CHRM3: variants seen among roughly 807,000 people sequenced by gnomAD.
CHRM3 encodes cholinergic receptor muscarinic 3.
CHRM3 carries 11 observed loss-of-function variants against 41.8 expected under a neutral mutation model. That is an observed-to-expected ratio of 0.26 (90% CI 0.17 to 0.44). CHRM3 has a LOEUF of 0.44. CHRM3 is among the 20% of genes least tolerant of loss of function. CHRM3 has a pLI of 1.00. For missense variants in CHRM3, 571 were observed against 745.4 expected (o/e 0.77, Z 2.72); for synonymous variants, 297 against 301.4 (o/e 0.99, Z 0.15).
At chr1:239,709,150 A>G (rs1031583181) in intron 5 of CHRM3, among the ~76,000 whole-genome samples, 6 of 152,178 alleles carry the variant, frequency 3.9e-5, no homozygotes, top group African/African-American at 9.7e-5. Context: ...TTCTGCAACT[A>G]TGTTCACTAT....
chr1:239,641,749 C>A (rs57286108), intron 4 of CHRM3, among the ~76,000 whole-genome samples: 15,998 of 100,642 alleles, frequency 0.16, 1,711 homozygotes, highest in Middle Eastern at 0.21. Flanking sequence ...TTAATTGGAG[C>A]ATTTAGTCCA....
chr1:239,435,847 AT>A, intron 1 of CHRM3, among the ~76,000 whole-genome samples: 1 of 152,230 alleles, frequency 6.6e-6, no homozygotes, highest in East Asian at 1.9e-4. Flanking sequence ...ATATTTATCT[AT>A]AAGGCAATGT....
At chr1:239,827,864 A>G (rs573670886) in intron 6 of CHRM3, among the ~76,000 whole-genome samples, 1 of 152,370 alleles carries the variant, frequency 6.6e-6, no homozygotes, top group African/African-American at 2.4e-5. Flanking sequence ...ACAGTGTCTA[A>G]GTGTGAAAAA....
At chr1:239,469,083 C>G (rs578131354) in intron 1 of CHRM3, among the ~76,000 whole-genome samples, 4 of 152,084 alleles carry the variant, frequency 2.6e-5, no homozygotes, top group Admixed American at 6.5e-5. Flanking sequence ...TCAAAATGCC[C>G]GAGTTCTAGT....
chr1:239,450,445 T>C lies in CHRM3; in HGVS notation c.-520-42264T>C, dbSNP rs567716358. ...TATTCTCTTTTAACATTAAATCATG[T>C]CCATTTGTTCATATCTTTATTCTTA... On this transcript the variant is annotated intron_variant, in intron 1 of 6. Coordinates refer to ENST00000676153, the MANE Select transcript of CHRM3 (RefSeq NM_001375978.1). Among the ~76,000 whole-genome samples the C allele has an allele frequency of 8.5e-5, 13 of 152,318 alleles. No homozygotes were observed. The East Asian group carries it at 2.5e-3, about 29-fold the overall frequency.
At chr1:239,683,234 A>G (rs1018188179) in intron 5 of CHRM3, among the ~76,000 whole-genome samples, 1 of 152,280 alleles carries the variant, frequency 6.6e-6, no homozygotes, top group Admixed American at 6.5e-5. Flanking sequence ...GTAAATGAAT[A>G]ATTCACATCC....
chr1:239,766,631 CATAAAT>C (rs1282403136), intron 5 of CHRM3, among the ~76,000 whole-genome samples: 14 of 150,986 alleles, frequency 9.3e-5, no homozygotes, highest in African/African-American at 3.4e-4. Context: ...TATAGATAGA[CATAAAT>C]ATAGATAGAT....
intron 5 of CHRM3, among the ~76,000 whole-genome samples, chr1:239,742,256 C>T (rs1664924056): frequency 6.6e-6 from 1 of 150,652 alleles, no homozygotes; most frequent in Admixed American, 6.7e-5. Flanking sequence ...AAACAAACCA[C>T]ACCAAAATGT....
At chr1:239,483,606 A>G (rs1334067015) in intron 1 of CHRM3, among the ~76,000 whole-genome samples, 1 of 151,974 alleles carries the variant, frequency 6.6e-6, no homozygotes, top group Non-Finnish European at 1.5e-5. Flanking sequence ...TTTCTTTTTT[A>G]ATGAGGAAGT....
intron 1 of CHRM3, among the ~76,000 whole-genome samples, chr1:239,433,161 T>A (rs1440766246): frequency 6.6e-6 from 1 of 152,182 alleles, no homozygotes; most frequent in African/African-American, 2.4e-5. Flanking sequence ...AACCTACATA[T>A]TTTTAAAGAA....
In CHRM3 at chr1:239,777,527, A is replaced by T. The variant is rs879626949; in HGVS notation, c.-146-49725A>T. On this transcript the variant is annotated intron_variant, in intron 5 of 6. Coordinates refer to ENST00000676153, the MANE Select transcript of CHRM3 (RefSeq NM_001375978.1). Reference sequence around the variant, plus strand: ...AAACTTCAGGAAGATAAAATGTTAAATCTATCACATCTAGGTAAATAAACA... The same window carrying T: ...AAACTTCAGGAAGATAAAATGTTAATTCTATCACATCTAGGTAAATAAACA... 1.5e-4 allele frequency among the ~76,000 whole-genome samples: 23 copies of T among 152,344 alleles called. No individual in the cohort carries two copies. In the South Asian group the frequency reaches 3.3e-3, roughly 22 times the overall value.
chr1:239,513,704 A>G (rs1782357), intron 2 of CHRM3, among the ~76,000 whole-genome samples: 75,192 of 151,986 alleles, frequency 0.49, 18,946 homozygotes, highest in Middle Eastern at 0.63. Flanking sequence ...CAATTGCCAT[A>G]TCCAAGGTCA....
At chr1:239,659,414 T>C (rs1225114609) in intron 4 of CHRM3, among the ~76,000 whole-genome samples, 1 of 152,144 alleles carries the variant, frequency 6.6e-6, no homozygotes, top group African/African-American at 2.4e-5. Context: ...CTCCAGCCAC[T>C]GTCCCATTCC....
chr1:239,477,551 T>A (rs1306781176), intron 1 of CHRM3, among the ~76,000 whole-genome samples: 3 of 152,116 alleles, frequency 2.0e-5, no homozygotes, highest in African/African-American at 7.2e-5. Flanking sequence ...TAAGAAGAAA[T>A]GAGCCAACTT....
intron 2 of CHRM3, among the ~76,000 whole-genome samples, chr1:239,539,909 G>A (rs976928058): frequency 3.3e-5 from 5 of 152,146 alleles, no homozygotes; most frequent in African/African-American, 9.7e-5. Flanking sequence ...GAGCCACTGC[G>A]CTGGCCAAAT....
At chr1:239,802,440 T>C (rs1670294541) in intron 5 of CHRM3, among the ~76,000 whole-genome samples, 2 of 152,176 alleles carry the variant, frequency 1.3e-5, no homozygotes, top group African/African-American at 2.4e-5. Flanking sequence ...AAAACACCAC[T>C]ACCCCTGTGA....
At chr1:239,759,436 A>G (rs1364529490) in intron 5 of CHRM3, among the ~76,000 whole-genome samples, 1 of 152,016 alleles carries the variant, frequency 6.6e-6, no homozygotes, top group Non-Finnish European at 1.5e-5. Context: ...AGCCGCAGCA[A>G]AGGAAATCAC....
chr1:239,511,071 G>A (rs1397025365), intron 2 of CHRM3, among the ~76,000 whole-genome samples: 1 of 152,136 alleles, frequency 6.6e-6, no homozygotes, highest in Non-Finnish European at 1.5e-5. Context: ...AGTACCACAG[G>A]CAAAGAATTG....
At chr1:239,608,183 G>A (rs1441080312) in intron 3 of CHRM3, among the ~76,000 whole-genome samples, 1 of 152,102 alleles carries the variant, frequency 6.6e-6, no homozygotes, top group Non-Finnish European at 1.5e-5. Context: ...ACATTTTAAA[G>A]TTTATGTCTA....
Sources: gnomAD v4.1 joint callset for allele counts (sites outside exome capture counted in the v4.1 genomes callset) on GRCh38, gnomAD v4.1.1 for gene constraint, MANE v1.5 for transcripts, NCBI Gene and HGNC (gene_info 2026-07-23, HGNC 2026-07-21) for gene names.